The following MCU variants were observed in gnomAD, a reference collection of about 807,000 sequenced individuals.
MCU encodes mitochondrial calcium uniporter.
In MCU, 12 loss-of-function variants were observed where a neutral mutation model predicts 45.2. That is an observed-to-expected ratio of 0.27 (90% CI 0.17 to 0.43). MCU has a LOEUF of 0.43. MCU is among the 20% of genes least tolerant of loss of function. The pLI is 1.00. For missense variants in MCU, 324 were observed against 436.7 expected (o/e 0.74, Z 2.30); for synonymous variants, 160 against 165.1 (o/e 0.97, Z 0.24).
intron 1 of MCU, chr10:72,693,165 CTT>C: frequency 1.7e-6 from 2 of 1,203,124 alleles, no homozygotes; most frequent in Non-Finnish European, 1.2e-6. Context: ...TTTGAACACT[CTT>C]GGGTGAGTGT....
At chr10:72,877,744 T>C (rs1300640656) in intron 6 of MCU, among the ~76,000 whole-genome samples, 2 of 152,152 alleles carry the variant, frequency 1.3e-5, no homozygotes, top group Non-Finnish European at 2.9e-5. Context: ...GGATTTATGC[T>C]AATTGAGGAG....
intron 1 of MCU, among the ~76,000 whole-genome samples, chr10:72,693,350 G>A (rs1842649225): frequency 6.6e-6 from 1 of 152,130 alleles, no homozygotes; most frequent in African/African-American, 2.4e-5. Context: ...AGCTCTGAGG[G>A]AAAGAATGTA....
chr10:72,871,427 A>T lies in MCU; in HGVS notation c.708A>T (p.Leu236=). ...RKAEKRTTLV[L]WGGLAYMATQ... is the part of the protein sequence containing the mutation. The stretch of plus-strand genomic sequence containing the variant: ...CTGAGAAGAGGACCACTTTGGTGCT[A>T]TGGGGTGGCCTTGCCTACATGGCCA... Residue 236 remains leucine (L), a synonymous_variant, in exon 6 of 8, where the codon CTA becomes CTT. Transcript: ENST00000373053. 6.2e-7 allele frequency: 1 copy of T among 1,614,184 alleles called. No individual in the cohort carries two copies. The highest frequency in any genetic ancestry group is 1.3e-5 in the African/African-American group (1 of 75,050).
intron 1 of MCU, among the ~76,000 whole-genome samples, chr10:72,744,683 A>C (rs1442802222): frequency 6.6e-6 from 1 of 152,220 alleles, no homozygotes; most frequent in Non-Finnish European, 1.5e-5. Flanking sequence ...GCTTTGGGAC[A>C]GAATATAAAA....
chr10:72,711,198 A>C (rs1360438086), intron 1 of MCU, among the ~76,000 whole-genome samples: 1 of 148,896 alleles, frequency 6.7e-6, no homozygotes, highest in East Asian at 2.0e-4. Context: ...AAAGTATTAC[A>C]CTGTATGTAT....
chr10:72,713,195 TA>T (rs1347599830), intron 1 of MCU, among the ~76,000 whole-genome samples: 1 of 152,248 alleles, frequency 6.6e-6, no homozygotes, highest in Non-Finnish European at 1.5e-5. Context: ...AAAACTTAAT[TA>T]GAATGAAAAA....
intron 1 of MCU, among the ~76,000 whole-genome samples, chr10:72,774,753 T>C (rs774826117): frequency 1.4e-4 from 22 of 152,158 alleles, no homozygotes; most frequent in Admixed American, 5.2e-4. Flanking sequence ...GCTATACTTA[T>C]ATTGAATAAT....
intron 6 of MCU, among the ~76,000 whole-genome samples, chr10:72,875,079 T>C (rs1174383511): frequency 6.6e-6 from 1 of 152,108 alleles, no homozygotes; most frequent in Non-Finnish European, 1.5e-5. Flanking sequence ...GGAAACTGAG[T>C]CTCCAAGAGG....
intron 1 of MCU, among the ~76,000 whole-genome samples, chr10:72,819,051 A>G (rs566535853): frequency 1.3e-5 from 2 of 152,308 alleles, no homozygotes; most frequent in South Asian, 4.1e-4. Flanking sequence ...AAGACAGAAC[A>G]ATAGATAAGA....
chr10:72,847,627 C>T (rs1422988063), intron 2 of MCU, among the ~76,000 whole-genome samples: 2 of 152,144 alleles, frequency 1.3e-5, no homozygotes, highest in Non-Finnish European at 2.9e-5. Context: ...TAAATATATG[C>T]AAAGTCATAC....
At chr10:72,813,499 C>A (rs1295361222) in intron 1 of MCU, among the ~76,000 whole-genome samples, 2 of 119,224 alleles carry the variant, frequency 1.7e-5, no homozygotes, top group Non-Finnish European at 3.3e-5. Context: ...TGCTCTGTTG[C>A]CCAAGCTGGA....
At chr10:72,692,612 C>T in intron 1 of MCU, 1 of 1,100,660 alleles carries the variant, frequency 9.1e-7, no homozygotes, top group East Asian at 6.0e-5. Context: ...ATCGCGTTCC[C>T]TCCCTTCTTC....
chr10:72,849,059 T>C (rs1190423925), intron 2 of MCU, among the ~76,000 whole-genome samples: 1 of 151,814 alleles, frequency 6.6e-6, no homozygotes, highest in Non-Finnish European at 1.5e-5. Flanking sequence ...GACGGGTGGA[T>C]CACGAGGTCA....
At chr10:72,714,793 C>A (rs183840606) in intron 1 of MCU, among the ~76,000 whole-genome samples, 287 of 151,970 alleles carry the variant, frequency 1.9e-3, no homozygotes, top group Middle Eastern at 3.4e-3. Context: ...ATCTGCCCCC[C>A]CCTTGGCCTC....
chr10:72,709,638 CTAGATA>C (rs1199499899), intron 1 of MCU, among the ~76,000 whole-genome samples: 4 of 151,814 alleles, frequency 2.6e-5, no homozygotes, highest in Non-Finnish European at 4.4e-5. Context: ...GAGTATCTGA[CTAGATA>C]TAGATATAGA....
At position 72,793,651 on chromosome 10, in the gene MCU, G is replaced by T. The variant is rs546413156; in HGVS notation, c.151-40708G>T. 5.9e-5 allele frequency among the ~76,000 whole-genome samples: 9 copies of T among 152,120 alleles called. No homozygotes were observed. In the South Asian group the frequency reaches 1.9e-3, roughly 32 times the overall value. On this transcript the variant is annotated intron_variant, in intron 1 of 7. Transcript: ENST00000373053. Reference sequence around the variant, plus strand: ...ATGATGGCTGGTACTTCCTCACACAGATCTAACCGAGGCTGACTATATTAG... The same window carrying T: ...ATGATGGCTGGTACTTCCTCACACATATCTAACCGAGGCTGACTATATTAG...
chr10:72,731,878 A>G (rs1037468104), intron 1 of MCU, among the ~76,000 whole-genome samples: 4 of 152,224 alleles, frequency 2.6e-5, no homozygotes, highest in Non-Finnish European at 5.9e-5. Context: ...TTGTTTTGCT[A>G]TTAATAATGC....
At chr10:72,844,215 T>A (rs1845086622) in intron 2 of MCU, among the ~76,000 whole-genome samples, 2 of 152,032 alleles carry the variant, frequency 1.3e-5, no homozygotes, top group Non-Finnish European at 2.9e-5. Flanking sequence ...GGCAAAACAC[T>A]ATCGCTACTA....
intron 1 of MCU, among the ~76,000 whole-genome samples, chr10:72,710,551 T>G (rs866634348): frequency 1.4e-5 from 2 of 146,966 alleles, no homozygotes; most frequent in South Asian, 2.2e-4. Context: ...AGGTTTTTTT[T>G]TTTTTTTTTT....
Sources: gnomAD v4.1 joint callset for allele counts (sites outside exome capture counted in the v4.1 genomes callset) on GRCh38, gnomAD v4.1.1 for gene constraint, MANE v1.5 for transcripts, NCBI Gene and HGNC (gene_info 2026-07-23, HGNC 2026-07-21) for gene names.